TCP11L1: variants seen among roughly 807,000 people sequenced by gnomAD.
TCP11L1 encodes t-complex 11 like 1, also known as T-complex protein 11-like protein 1.
Under a neutral mutation model 48.9 loss-of-function variants are expected in TCP11L1, and 28 were observed. The observed-to-expected ratio is 0.57, with a 90% CI of 0.42 to 0.78. The LOEUF (loss-of-function observed/expected upper bound fraction) is 0.78. Among genes scored for constraint, TCP11L1 ranks in the 30% least tolerant of loss-of-function variants. The pLI is 0.00. For missense variants in TCP11L1, 505 were observed against 613.4 expected, an observed-to-expected ratio of 0.82 and a Z score of 1.87; for synonymous variants, 204 against 231.9, an observed-to-expected ratio of 0.88 and a Z score of 1.09.
Position 33,072,660 on chromosome 11 carries a change from T to C in TCP11L1, c.1514T>C (p.Ile505Thr). The C allele has an allele frequency of 1.2e-6, 2 of 1,614,166 alleles. No individual in the cohort carries two copies. The highest frequency in any genetic ancestry group is 1.7e-6 in the Non-Finnish European group (2 of 1,180,034). Reference sequence around the variant, plus strand: ...TACTACGATGCAATCCTGAGTAAGATCCTCGTCCGATCCTAACGTGTATGC... The same window carrying C: ...TACTACGATGCAATCCTGAGTAAGACCCTCGTCCGATCCTAACGTGTATGC... ...CPYYDAILSK[I>T]LVRS The change falls in exon 10 of 10, where the codon ATC becomes ACC. Residue 505 changes from isoleucine to threonine, a missense_variant. Transcript: ENST00000334274.
chr11:33,072,612 A>G lies in TCP11L1; in HGVS notation c.1466A>G (p.Tyr489Cys). The G allele has an allele frequency of 6.2e-7, 1 of 1,614,172 alleles. No homozygotes were observed. Among genetic ancestry groups the G allele is most frequent in the East Asian group, 2.2e-5 (1 of 44,870 alleles). ...VAIKFARLVN[Y>C]NKMVFCPYYD... ...ATTAAATTTGCTCGCCTGGTCAACT[A>G]TAACAAGATGGTCTTCTGTCCCTAC... is the stretch of plus-strand genomic sequence containing the variant. The change falls in exon 10 of 10, where the codon TAT (tyrosine) becomes TGT (cysteine). Residue 489 changes from tyrosine (Y) to cysteine (C), a missense_variant. By Grantham distance (194) the Tyr-to-Cys change is radical (BLOSUM62 -2). Coordinates refer to ENST00000334274, the MANE Select transcript of TCP11L1 (RefSeq NM_018393.4).
chr11:33,068,936 G>A (rs1854699036), intron 9 of TCP11L1, 77 bp downstream of exon 9: 1 of 1,529,098 alleles, frequency 6.5e-7, no homozygotes, highest in Non-Finnish European at 8.8e-7. Flanking sequence ...AGAAACCTGA[G>A]GGCTCAGCTG....
chr11:33,058,959 A>G lies in TCP11L1; in HGVS notation c.639A>G (p.Arg213=), dbSNP rs1590233209. ...GCTTCTAAATCCTTTTTTCTTTCAG[A>G]GAAATTTTTTCTGTGTTGGACCTAA... is the stretch of plus-strand genomic sequence containing the variant. ...KDIKEIVPLF[R]EIFSVLDLMK... Residue 213 remains arginine (R), a splice_region_variant and synonymous_variant, in exon 6 of 10, where the codon AGA becomes AGG. Coordinates refer to ENST00000334274, the MANE Select transcript of TCP11L1 (RefSeq NM_018393.4). 3 of 1,611,214 alleles carry G rather than the reference A, an allele frequency of 1.9e-6. No individual in the cohort carries two copies. In the East Asian group the frequency reaches 6.7e-5, roughly 36 times the overall value.
chr11:33,042,938 C>T (rs915067273), intron 1 of TCP11L1, among the ~76,000 whole-genome samples: 9 of 152,164 alleles, frequency 5.9e-5, no homozygotes, highest in East Asian at 5.8e-4. Flanking sequence ...TGGTGGTGGG[C>T]GCCTATAATC....
chr11:33,068,660 G>A (rs751731844), intron 8 of TCP11L1, 27 bp from the exon 9 acceptor site: 1 of 1,608,892 alleles, frequency 6.2e-7, no homozygotes, highest in African/African-American at 1.3e-5. Flanking sequence ...TTTACTTATA[G>A]GCCCTTTCTC....
chr11:33,042,725 G>T (rs1207072344), intron 1 of TCP11L1, among the ~76,000 whole-genome samples: 2 of 152,046 alleles, frequency 1.3e-5, no homozygotes, highest in African/African-American at 4.8e-5. Context: ...CTGAGGTCAG[G>T]AGTTCGAGAC....
chr11:33,044,430 A>C (rs542272184), intron 2 of TCP11L1, among the ~76,000 whole-genome samples: 1 of 152,356 alleles, frequency 6.6e-6, no homozygotes, highest in Non-Finnish European at 1.5e-5. Context: ...GCAAGGAGCA[A>C]GCCTCTTAAA....
chr11:33,049,904 G>A (rs2133702806), intron 2 of TCP11L1, among the ~76,000 whole-genome samples: 1 of 152,262 alleles, frequency 6.6e-6, no homozygotes, highest in South Asian at 2.1e-4. Context: ...TCCCTTCCCA[G>A]GAGGCCATAT....
Position 33,066,152 on chromosome 11 carries a change from G to A in TCP11L1, c.1154+141G>A, listed in dbSNP as rs139968803. 45 of 1,131,220 alleles carry A rather than the reference G, an allele frequency of 4.0e-5. 1 individual carries two copies. The African/African-American group carries it at 6.1e-4, about 15-fold the overall frequency. The allele number at this position is 1,131,220 out of a possible 1,614,324, so 70.1% of individuals were successfully genotyped here. On this transcript the variant is annotated intron_variant, in intron 8 of 9. Coordinates refer to ENST00000334274, the MANE Select transcript of TCP11L1 (RefSeq NM_018393.4). Reference sequence around the variant, plus strand: ...AGAAGAAACCTTGCTGTCTCAGTTGGTTCACTTGGCGAAGACCCCAGCAGA... The same window carrying A: ...AGAAGAAACCTTGCTGTCTCAGTTGATTCACTTGGCGAAGACCCCAGCAGA...
At position 33,070,029 on chromosome 11, in the gene TCP11L1, T is replaced by C. The variant is rs113666927; in HGVS notation, c.1327+1170T>C. ...TTTGTAATAGCCAGTTACCGACAGATTGAAAACCAGCCCTTAAGGGGAGGA... is the reference window on the plus strand; with the variant it reads ...TTTGTAATAGCCAGTTACCGACAGACTGAAAACCAGCCCTTAAGGGGAGGA... On this transcript the variant is annotated intron_variant, in intron 9 of 9. Transcript: ENST00000334274. 6.3e-3 allele frequency among the ~76,000 whole-genome samples: 956 copies of C among 152,110 alleles called. 4 individuals carry two copies. Among genetic ancestry groups the C allele is most frequent in the African/African-American group, 0.022 (895 of 41,482 alleles).
chr11:33,064,790 T>C (rs1341401253), intron 7 of TCP11L1, among the ~76,000 whole-genome samples: 9 of 152,142 alleles, frequency 5.9e-5, no homozygotes, highest in Non-Finnish European at 1.3e-4. Flanking sequence ...ATTTTTGTTG[T>C]TGTTGTTTTA....
At chr11:33,069,852 C>G (rs1854726334) in intron 9 of TCP11L1, among the ~76,000 whole-genome samples, 1 of 152,154 alleles carries the variant, frequency 6.6e-6, no homozygotes, top group Non-Finnish European at 1.5e-5. Flanking sequence ...AGTGATCCGC[C>G]TGCCTCAGCC....
intron 2 of TCP11L1, among the ~76,000 whole-genome samples, chr11:33,054,104 CTG>C (rs1406632842): frequency 5.1e-4 from 77 of 152,322 alleles, no homozygotes; most frequent in African/African-American, 1.7e-3. Context: ...GTGTGAACCA[CTG>C]TGCCTAGCCT....
chr11:33,047,876 A>G (rs916033490), intron 2 of TCP11L1, among the ~76,000 whole-genome samples: 1 of 152,214 alleles, frequency 6.6e-6, no homozygotes, highest in Non-Finnish European at 1.5e-5. Flanking sequence ...TGTTTGGGTG[A>G]CAGTTGCAAT....
intron 3 of TCP11L1, among the ~76,000 whole-genome samples, chr11:33,056,282 T>C (rs1023425577): frequency 6.6e-6 from 1 of 152,190 alleles, no homozygotes; most frequent in African/African-American, 2.4e-5. Context: ...AGCTAATTTT[T>C]GTATTTTTAG....
chr11:33,073,541 T>C lies in TCP11L1; in HGVS notation c.*865T>C, dbSNP rs1854858197. On this transcript the variant is annotated 3_prime_UTR_variant, in exon 10 of 10. Coordinates refer to ENST00000334274, the MANE Select transcript of TCP11L1 (RefSeq NM_018393.4). ...CTGAGACAATACACAGATGTGATGA[T>C]TGAATTAAATTCTGGAATTAGATTT... 6.6e-6 allele frequency: 1 copy of C among 152,152 alleles called. No individual in the cohort carries two copies. The highest frequency in any genetic ancestry group is 2.4e-5 in the African/African-American group (1 of 41,440). 9.4% of individuals were successfully genotyped at this position (152,152 alleles called of 1,614,324 possible).
At chr11:33,052,204 A>G (rs1158817865) in intron 2 of TCP11L1, among the ~76,000 whole-genome samples, 2 of 152,220 alleles carry the variant, frequency 1.3e-5, no homozygotes, top group African/African-American at 2.4e-5. Context: ...GATTACCTGT[A>G]TAACAAACCT....
rs1262730577 is a variant in TCP11L1 at position 33,045,554 on chromosome 11, A to T, written c.163+1618A>T. On this transcript the variant is annotated intron_variant, in intron 2 of 9. Coordinates refer to ENST00000334274, the MANE Select transcript of TCP11L1 (RefSeq NM_018393.4). ...AAATAAAAAAAATAAAGAGGCCAGGATTGATTGCTGTAATGTAGATGTATA... is the reference window on the plus strand; with the variant it reads ...AAATAAAAAAAATAAAGAGGCCAGGTTTGATTGCTGTAATGTAGATGTATA... 2.6e-5 allele frequency among the ~76,000 whole-genome samples: 4 copies of T among 152,090 alleles called. No individual in the cohort carries two copies. In the East Asian group the frequency reaches 7.7e-4, roughly 29 times the overall value.
chr11:33,053,391 T>C (rs938306301), intron 2 of TCP11L1, among the ~76,000 whole-genome samples: 1 of 152,188 alleles, frequency 6.6e-6, no homozygotes, highest in African/African-American at 2.4e-5. Flanking sequence ...GTGGTCCACC[T>C]GCCTTGATCT....
Sources: allele counts gnomAD v4.1 joint callset (sites outside exome capture counted in the v4.1 genomes callset), GRCh38; gene constraint gnomAD v4.1.1; transcripts MANE v1.5; gene names NCBI Gene and HGNC (gene_info 2026-07-23, HGNC 2026-07-21).